The following LRFN5 variants were observed in gnomAD, a reference collection of about 807,000 sequenced individuals.
The protein encoded by LRFN5 is leucine rich repeat and fibronectin type III domain containing 5, also known as leucine-rich repeat and fibronectin type-III domain-containing protein 5.
In LRFN5, 24 loss-of-function variants were observed where a neutral mutation model predicts 45.6. The ratio of observed to expected loss-of-function variants is 0.53; its 90% confidence interval spans 0.38 to 0.74. LRFN5 has a LOEUF of 0.74. LRFN5 is among the 30% of genes least tolerant of loss of function. The pLI is 0.00. For missense variants in LRFN5, 776 were observed against 861.5 expected (o/e 0.90, Z 1.24); for synonymous variants, 340 against 313.8 (o/e 1.08, Z -0.88).
chr14:41,711,559 C>T (rs1446072005), intron 1 of LRFN5, among the ~76,000 whole-genome samples: 1 of 152,126 alleles, frequency 6.6e-6, no homozygotes, highest in African/African-American at 2.4e-5. Flanking sequence ...AGATTTGGGA[C>T]CTGAATATTC....
intron 2 of LRFN5, among the ~76,000 whole-genome samples, chr14:41,774,935 C>T (rs985039410): frequency 6.6e-6 from 1 of 152,008 alleles, no homozygotes; most frequent in East Asian, 1.9e-4. Context: ...GTAGCTTGAT[C>T]TTACATGTAT....
At chr14:41,895,398 C>T (rs1890904673) in intron 4 of LRFN5, among the ~76,000 whole-genome samples, 1 of 152,092 alleles carries the variant, frequency 6.6e-6, no homozygotes, top group Non-Finnish European at 1.5e-5. Flanking sequence ...CCAAGATGGG[C>T]AGATCACTTG....
chr14:41,881,991 T>C (rs1890396635), intron 2 of LRFN5, among the ~76,000 whole-genome samples: 1 of 152,204 alleles, frequency 6.6e-6, no homozygotes, highest in Admixed American at 6.5e-5. Flanking sequence ...TCCTTTTTAA[T>C]GTTCATCACT....
At chr14:41,647,331 T>A (rs145537484) in intron 1 of LRFN5, among the ~76,000 whole-genome samples, 3 of 152,238 alleles carry the variant, frequency 2.0e-5, no homozygotes, top group Admixed American at 2.0e-4. Context: ...GGAAAGCAAA[T>A]CAGTCATCAA....
At chr14:41,795,272 A>T (rs913966567) in intron 2 of LRFN5, among the ~76,000 whole-genome samples, 4 of 152,056 alleles carry the variant, frequency 2.6e-5, no homozygotes, top group Admixed American at 2.6e-4. Flanking sequence ...AAAAGTCAGG[A>T]AACAATAGGT....
intron 2 of LRFN5, among the ~76,000 whole-genome samples, chr14:41,778,251 T>G (rs1886363637): frequency 6.6e-6 from 1 of 151,712 alleles, no homozygotes; most frequent in Admixed American, 6.6e-5. Flanking sequence ...GGCATGTGTT[T>G]CATAATTGGA....
chr14:41,663,810 G>A (rs895899706), intron 1 of LRFN5, among the ~76,000 whole-genome samples: 1 of 151,926 alleles, frequency 6.6e-6, no homozygotes, highest in Admixed American at 6.6e-5. Context: ...GGTAAGAGTT[G>A]CTAGTTTCAG....
Position 41,665,292 on chromosome 14 carries a change from A to G in LRFN5, c.-197+56730A>G, listed in dbSNP as rs578057122. On this transcript the variant is annotated intron_variant, in intron 1 of 5. Coordinates refer to ENST00000298119, the MANE Select transcript of LRFN5 (RefSeq NM_152447.5). Reference sequence around the variant, plus strand: ...AATTTATGTATGTGAAGGATAAAGAAAACAAAGAAAAAAAAGAGTAACAAA... The same window carrying G: ...AATTTATGTATGTGAAGGATAAAGAGAACAAAGAAAAAAAAGAGTAACAAA... 3.3e-5 allele frequency among the ~76,000 whole-genome samples: 5 copies of G among 152,140 alleles called. No individual in the cohort carries two copies. The East Asian group carries it at 7.7e-4, about 23-fold the overall frequency.
chr14:41,742,312 T>TACACACACACAC (rs61109523), intron 1 of LRFN5, among the ~76,000 whole-genome samples: 6 of 145,138 alleles, frequency 4.1e-5, no homozygotes, highest in African/African-American at 1.5e-4. Context: ...GTGGTGTGTA[T>TACACACACACAC]ACACACACAC....
At chr14:41,827,209 C>T (rs1407967896) in intron 2 of LRFN5, among the ~76,000 whole-genome samples, 1 of 152,034 alleles carries the variant, frequency 6.6e-6, no homozygotes, top group African/African-American at 2.4e-5. Context: ...AGCTGAGGGT[C>T]ATTTAGAGCT....
intron 2 of LRFN5, among the ~76,000 whole-genome samples, chr14:41,818,404 T>C (rs1474745257): frequency 6.6e-6 from 1 of 152,122 alleles, no homozygotes; most frequent in Non-Finnish European, 1.5e-5. Flanking sequence ...AATATCTCAC[T>C]GTTTTATATA....
At position 41,887,798 on chromosome 14, in the gene LRFN5, T is replaced by G. The variant is rs763473449; in HGVS notation, c.1173T>G (p.Asp391Glu). Residue 391 changes from aspartate to glutamate, a missense_variant, in exon 3 of 6, where the codon GAT becomes GAG. By Grantham distance (45) the Asp-to-Glu change is conservative. Transcript: ENST00000298119. The surrounding 1 kb of genome is among the most constrained non-coding windows in gnomAD (Gnocchi z 4.8). ...LNSTNHIHEP[D>E]PGSSDISTST... ...GTACAAACCATATCCATGAGCCTGA[T>G]CCTGGTTCTTCAGATATCTCAACTT... is the stretch of plus-strand genomic sequence containing the variant. The G allele has an allele frequency of 1.9e-6, 3 of 1,613,994 alleles. No homozygotes were observed. Among genetic ancestry groups the G allele is most frequent in the Non-Finnish European group, 2.5e-6 (3 of 1,179,978 alleles).
Position 41,757,143 on chromosome 14 carries a change from C to T in LRFN5, c.-196-9711C>T, listed in dbSNP as rs569803034. Among the ~76,000 whole-genome samples, 18 of 152,238 alleles carry T rather than the reference C, an allele frequency of 1.2e-4. No individual in the cohort carries two copies. In the East Asian group the frequency reaches 3.1e-3, roughly 26 times the overall value. ...GTTTTGTCTCAGAGGAGTACCCGGC[C>T]GTGTGAGGTGTCAGTCTGCCCCTAC... On this transcript the variant is annotated intron_variant, in intron 1 of 5. Coordinates refer to ENST00000298119, the MANE Select transcript of LRFN5 (RefSeq NM_152447.5).
chr14:41,807,006 T>A (rs1887548225), intron 2 of LRFN5, among the ~76,000 whole-genome samples: 1 of 152,132 alleles, frequency 6.6e-6, no homozygotes, highest in Non-Finnish European at 1.5e-5. Flanking sequence ...CACTACTACC[T>A]TTTACTACTT....
chr14:41,619,687 C>T (rs1199101466), intron 1 of LRFN5, among the ~76,000 whole-genome samples: 1 of 151,614 alleles, frequency 6.6e-6, no homozygotes, highest in Non-Finnish European at 1.5e-5. Flanking sequence ...CTGCATATGG[C>T]AATATATGTA....
intron 2 of LRFN5, among the ~76,000 whole-genome samples, chr14:41,850,681 T>A (rs1383848869): frequency 6.6e-6 from 1 of 151,858 alleles, no homozygotes; most frequent in Non-Finnish European, 1.5e-5. Context: ...TTAATTTCCA[T>A]GAGCAATTTC....
At chr14:41,679,057 C>T (rs953555373) in intron 1 of LRFN5, among the ~76,000 whole-genome samples, 3 of 64,674 alleles carry the variant, frequency 4.6e-5, no homozygotes, top group South Asian at 7.2e-4. Context: ...AGTATTTACA[C>T]CAGCTCTCTA....
intron 2 of LRFN5, among the ~76,000 whole-genome samples, chr14:41,881,864 A>C (rs372575504): frequency 8.7e-4 from 133 of 152,350 alleles, no homozygotes; most frequent in African/African-American, 2.6e-3. Context: ...CCATCAAATC[A>C]TGCATGATGT....
At chr14:41,829,648 T>G (rs1888411373) in intron 2 of LRFN5, among the ~76,000 whole-genome samples, 1 of 151,930 alleles carries the variant, frequency 6.6e-6, no homozygotes, top group African/African-American at 2.4e-5. Context: ...AAAATTCCCT[T>G]TCATTAAGTG....
Sources: allele counts gnomAD v4.1 joint callset (sites outside exome capture counted in the v4.1 genomes callset), GRCh38; gene constraint gnomAD v4.1.1; non-coding constraint Gnocchi (gnomAD v3.1); transcripts MANE v1.5; gene names NCBI Gene and HGNC (gene_info 2026-07-23, HGNC 2026-07-21).